ZFAT: variants seen among roughly 807,000 people sequenced by gnomAD.
ZFAT encodes zinc finger and AT-hook domain containing, also known as zinc finger protein ZFAT.
In ZFAT, 64 loss-of-function variants were observed where a neutral mutation model predicts 117.7. The observed-to-expected ratio is 0.54, with a 90% CI of 0.44 to 0.67. The LOEUF (loss-of-function observed/expected upper bound fraction) is 0.67. Ranked by LOEUF, ZFAT falls within the 30% of genes least tolerant of loss-of-function variation. The probability of loss-of-function intolerance (pLI) is 0.00; values close to 1 mark genes in which losing one functional copy is unlikely to be tolerated. For synonymous variants in ZFAT, 679 were observed against 615.0 expected, an observed-to-expected ratio of 1.10 and a Z score of -1.54; for missense variants, 1,433 against 1,584.5, an observed-to-expected ratio of 0.90 and a Z score of 1.62.
intron 3 of ZFAT, among the ~76,000 whole-genome samples, chr8:134,616,073 C>T (rs6577696): frequency 0.064 from 9,784 of 152,228 alleles, 1,086 homozygotes; most frequent in African/African-American, 0.22. Context: ...GAGACCCAGA[C>T]GCCACCCAGA....
chr8:134,637,632 T>C lies in ZFAT; in HGVS notation c.277A>G (p.Asn93Asp). ...CTGTCCTCAGTCGGACTCACGATGTTTTCTGCCAGCTCCTCTTCTGTGCTG... is the reference window on the plus strand; with the variant it reads ...CTGTCCTCAGTCGGACTCACGATGTCTTCTGCCAGCTCCTCTTCTGTGCTG... The part of the protein sequence containing the change: ...KSSTEEELAE[N>D]IVSPTEDSPL... Residue 93 changes from asparagine to aspartate, a missense_variant, in exon 3 of 16, where the codon AAC (asparagine) becomes GAC (aspartate). By Grantham distance (23) the Asn-to-Asp change is conservative (BLOSUM62 1). Around this residue, in one of 5 missense-constraint regions of ZFAT, gnomAD observed 436 missense variants for 482.0 expected, o/e 0.90. Transcript: ENST00000377838. 1.2e-6 allele frequency: 2 copies of C among 1,614,184 alleles called. No individual in the cohort carries two copies. The highest frequency in any genetic ancestry group is 1.7e-6 in the Non-Finnish European group (2 of 1,180,040).
chr8:134,650,697 A>G (rs1411301960), intron 2 of ZFAT, among the ~76,000 whole-genome samples: 4 of 152,230 alleles, frequency 2.6e-5, no homozygotes, highest in Admixed American at 6.5e-5. Context: ...TACTACTGAC[A>G]TTAGAAGAGA....
intron 1 of ZFAT, among the ~76,000 whole-genome samples, chr8:134,694,194 C>G (rs528062018): frequency 1.3e-5 from 2 of 152,140 alleles, no homozygotes; most frequent in Admixed American, 6.5e-5. Context: ...TGGAATGAGG[C>G]ACGTGGCTGA....
At chr8:134,616,276 G>C (rs1470325267) in intron 3 of ZFAT, among the ~76,000 whole-genome samples, 1 of 152,108 alleles carries the variant, frequency 6.6e-6, no homozygotes, top group Non-Finnish European at 1.5e-5. Flanking sequence ...AAGCAAGGAG[G>C]GTACAGGGTA....
chr8:134,567,465 AT>A (rs1824550970), intron 10 of ZFAT, among the ~76,000 whole-genome samples: 1 of 151,114 alleles, frequency 6.6e-6, no homozygotes, highest in Non-Finnish European at 1.5e-5. Context: ...CCATCCATCC[AT>A]CCATCCATCC....
At chr8:134,523,592 A>G (rs1820816303) in intron 12 of ZFAT, among the ~76,000 whole-genome samples, 2 of 152,236 alleles carry the variant, frequency 1.3e-5, no homozygotes, top group South Asian at 4.1e-4. Flanking sequence ...TCACAGTCTC[A>G]GAGGTATAAA....
At chr8:134,580,502 A>G (rs1365289939) in intron 10 of ZFAT, among the ~76,000 whole-genome samples, 1 of 152,242 alleles carries the variant, frequency 6.6e-6, no homozygotes, top group African/African-American at 2.4e-5. Context: ...ATCCCCAGGG[A>G]TAGTCCTAAC....
chr8:134,660,842 G>A (rs1831888854), intron 1 of ZFAT, among the ~76,000 whole-genome samples: 1 of 152,202 alleles, frequency 6.6e-6, no homozygotes, highest in African/African-American at 2.4e-5. Flanking sequence ...ACAAAGTGTT[G>A]GAGACTACTG....
intron 5 of ZFAT, among the ~76,000 whole-genome samples, chr8:134,605,221 C>T (rs1211117168): frequency 6.6e-6 from 1 of 152,190 alleles, no homozygotes; most frequent in Non-Finnish European, 1.5e-5. Context: ...CAAATGCTGC[C>T]TCCTCAGAGA....
At chr8:134,822,462 C>T in the ZFAT span, among the ~76,000 whole-genome samples, 2 of 152,106 alleles carry the variant, frequency 1.3e-5, no homozygotes, top group Admixed American at 1.3e-4. Context: ...CCCAGCCCCT[C>T]ATCTTCAACT....
At chr8:134,530,863 A>G (rs907318358) in intron 12 of ZFAT, among the ~76,000 whole-genome samples, 1 of 152,180 alleles carries the variant, frequency 6.6e-6, no homozygotes, top group African/African-American at 2.4e-5. Context: ...TAATCTGGAG[A>G]TGATTTAAAG....
In ZFAT at chr8:134,637,514, C is replaced by T. The variant is rs778766149; in HGVS notation, c.395G>A (p.Arg132Gln). ...CRKFSNTRQL[R>Q]KHICIIVLNL... The stretch of plus-strand genomic sequence containing the variant: ...CAGCACGATAATGCAGATGTGCTTC[C>T]GCAGCTGGCGCGTGTTGGAGAACTT... The change falls in exon 3 of 16, where the codon CGG (arginine) becomes CAG (glutamine). Residue 132 changes from arginine (R) to glutamine (Q), a missense_variant. By Grantham distance (43) the Arg-to-Gln change is conservative (BLOSUM62 1). This residue lies in a region of ZFAT where 436 missense variants were observed against 482.0 expected (regional missense o/e 0.90). Coordinates refer to ENST00000377838, the MANE Select transcript of ZFAT (RefSeq NM_020863.4). 1.7e-5 allele frequency: 28 copies of T among 1,613,912 alleles called. No individual in the cohort carries two copies. The highest frequency in any genetic ancestry group is 8.3e-5 in the Admixed American group (5 of 59,996).
intron 2 of ZFAT, among the ~76,000 whole-genome samples, chr8:134,642,217 G>GT (rs1231882920): frequency 6.6e-6 from 1 of 152,210 alleles, no homozygotes; most frequent in East Asian, 1.9e-4. Context: ...AGTCAAAAAT[G>GT]TATCTGCAGA....
chr8:134,763,707 T>C, the ZFAT span, among the ~76,000 whole-genome samples: 1 of 152,182 alleles, frequency 6.6e-6, no homozygotes, highest in African/African-American at 2.4e-5. Flanking sequence ...TAAAGATTTG[T>C]TCAATAAATG....
chr8:134,482,276 G>C (rs1041034031), intron 15 of ZFAT, among the ~76,000 whole-genome samples: 1 of 152,188 alleles, frequency 6.6e-6, no homozygotes, highest in Non-Finnish European at 1.5e-5. Context: ...AGGGATGTCT[G>C]TCAAACAGTG....
the ZFAT span, among the ~76,000 whole-genome samples, chr8:134,761,625 G>A: frequency 6.6e-6 from 1 of 151,964 alleles, no homozygotes; most frequent in African/African-American, 2.4e-5. Flanking sequence ...GCTTGAACCT[G>A]GGAGGTGTAG....
chr8:134,782,811 G>A, the ZFAT span, among the ~76,000 whole-genome samples: 5 of 151,748 alleles, frequency 3.3e-5, no homozygotes, highest in Non-Finnish European at 5.9e-5. Context: ...CCCAGTCTCG[G>A]GTATGTCTTT....
intron 7 of ZFAT, 38 bp from the exon 8 acceptor site, chr8:134,590,393 T>C (rs980912447): frequency 3.2e-6 from 5 of 1,543,308 alleles, no homozygotes; most frequent in Admixed American, 1.7e-5. Flanking sequence ...GACTTTCTCA[T>C]TTAAATCTGT....
At chr8:134,733,726 T>G in the ZFAT span, among the ~76,000 whole-genome samples, 12 of 152,212 alleles carry the variant, frequency 7.9e-5, no homozygotes, top group Non-Finnish European at 1.2e-4. Flanking sequence ...AGAAACCCAG[T>G]TTTCCATCTT....
Sources: gnomAD v4.1 joint callset for allele counts (sites outside exome capture counted in the v4.1 genomes callset) on GRCh38, gnomAD v4.1.1 for gene constraint, gnomAD v4.1.1 regional missense constraint, MANE v1.5 for transcripts, NCBI Gene and HGNC (gene_info 2026-07-23, HGNC 2026-07-21) for gene names.